The following PRR5L variants were observed in gnomAD, a reference collection of about 807,000 sequenced individuals.
PRR5L encodes proline-rich protein 5-like.
PRR5L carries 21 observed loss-of-function variants against 36.4 expected under a neutral mutation model. That is an observed-to-expected ratio of 0.58 (90% confidence interval 0.41 to 0.83). PRR5L has a LOEUF of 0.83. Ranked by LOEUF, PRR5L falls within the 40% of genes least tolerant of loss-of-function variation. The pLI is 0.00. For synonymous variants in PRR5L, 188 were observed against 197.0 expected (o/e 0.95, Z 0.38); for missense variants, 381 against 473.3 (o/e 0.80, Z 1.81).
chr11:36,298,711 G>A (rs4756306), intron 1 of PRR5L, among the ~76,000 whole-genome samples: 30,626 of 152,098 alleles, frequency 0.2, 3,282 homozygotes, highest in South Asian at 0.35. Context: ...GGAGTTGGGG[G>A]CCCCGGGCTT....
At position 36,301,758 on chromosome 11, in the gene PRR5L, C is replaced by T. The variant is rs1057361034; in HGVS notation, c.-126+5320C>T. ...TTCAAATGCAATGGAGCAGGAAGAC[C>T]CTAAGAGAGAATTGGAAAATGACTG... On this transcript the variant is annotated intron_variant, in intron 1 of 8. Transcript: ENST00000530639. Among the ~76,000 whole-genome samples the T allele has an allele frequency of 2.0e-5, 3 of 152,198 alleles. No individual in the cohort carries two copies. The East Asian group carries it at 5.8e-4, about 29-fold the overall frequency.
intron 1 of PRR5L, among the ~76,000 whole-genome samples, chr11:36,380,891 A>C (rs1247943418): frequency 6.6e-6 from 1 of 152,240 alleles, no homozygotes; most frequent in Non-Finnish European, 1.5e-5. Flanking sequence ...AGAAGCTCAC[A>C]GCTAGGCTCA....
chr11:36,305,888 T>C (rs1453544646), intron 1 of PRR5L, among the ~76,000 whole-genome samples: 1 of 152,228 alleles, frequency 6.6e-6, no homozygotes, highest in East Asian at 1.9e-4. Flanking sequence ...ACTGAGTTAG[T>C]ATATGAATTA....
At chr11:36,443,206 C>T (rs558737976) in intron 6 of PRR5L, among the ~76,000 whole-genome samples, 16 of 152,220 alleles carry the variant, frequency 1.1e-4, no homozygotes, top group African/African-American at 3.6e-4. Context: ...GATGGGGAGC[C>T]GGTGTATCAC....
intron 1 of PRR5L, among the ~76,000 whole-genome samples, chr11:36,395,018 G>A (rs1302461530): frequency 2.0e-5 from 3 of 152,124 alleles, no homozygotes; most frequent in Non-Finnish European, 4.4e-5. Flanking sequence ...TTTCTGCAAT[G>A]CTATTTCTAG....
chr11:36,429,152 T>C (rs1385193402), intron 4 of PRR5L, among the ~76,000 whole-genome samples: 4 of 152,194 alleles, frequency 2.6e-5, no homozygotes, highest in African/African-American at 4.8e-5. Context: ...CCATAAGATA[T>C]GGACAATGTA....
intron 1 of PRR5L, among the ~76,000 whole-genome samples, chr11:36,316,812 G>A (rs1856562279): frequency 6.6e-6 from 1 of 152,160 alleles, no homozygotes; most frequent in Non-Finnish European, 1.5e-5. Context: ...TACAAAGGCA[G>A]ACTGATCTCC....
intron 4 of PRR5L, among the ~76,000 whole-genome samples, chr11:36,429,122 G>A (rs1260166413): frequency 3.3e-5 from 5 of 152,064 alleles, no homozygotes; most frequent in Non-Finnish European, 7.4e-5. Flanking sequence ...GAAAATCCAG[G>A]CCATGATTTG....
At chr11:36,319,610 G>A (rs1178641874) in intron 1 of PRR5L, among the ~76,000 whole-genome samples, 2 of 151,990 alleles carry the variant, frequency 1.3e-5, no homozygotes, top group Non-Finnish European at 2.9e-5. Context: ...TACAAAGGCA[G>A]GCAGTTGTGG....
At chr11:36,311,509 G>A (rs1856502492) in intron 1 of PRR5L, among the ~76,000 whole-genome samples, 1 of 152,120 alleles carries the variant, frequency 6.6e-6, no homozygotes, top group Non-Finnish European at 1.5e-5. Context: ...ACCAACTGAA[G>A]TTATAATAAA....
intron 7 of PRR5L, among the ~76,000 whole-genome samples, chr11:36,450,697 T>C (rs1314040318): frequency 6.6e-6 from 1 of 152,258 alleles, no homozygotes; most frequent in East Asian, 1.9e-4. Context: ...CAGAGCCAGA[T>C]AGCCTGGGTT....
At chr11:36,317,236 T>C (rs1222468381) in intron 1 of PRR5L, among the ~76,000 whole-genome samples, 1 of 152,198 alleles carries the variant, frequency 6.6e-6, no homozygotes, top group Non-Finnish European at 1.5e-5. Flanking sequence ...GGAGAGGTAG[T>C]AAGGAATGGA....
intron 8 of PRR5L, 132 bp from the exon 9 acceptor site, chr11:36,462,210 T>C: frequency 1.2e-6 from 1 of 807,076 alleles, no homozygotes; most frequent in Admixed American, 3.0e-5. Flanking sequence ...TCCCTTGCAT[T>C]GTGGCAGGGC....
chr11:36,454,123 A>G (rs1858999507), intron 8 of PRR5L: 1 of 152,234 alleles, frequency 6.6e-6, no homozygotes, highest in African/African-American at 2.4e-5. Flanking sequence ...TGGAGCCAGG[A>G]TTCCAATGCC....
intron 5 of PRR5L, among the ~76,000 whole-genome samples, chr11:36,434,202 A>G (rs1265624553): frequency 6.6e-6 from 1 of 152,104 alleles, no homozygotes; most frequent in Non-Finnish European, 1.5e-5. Context: ...ATATTCTCTG[A>G]GTCTCTTCTA....
At position 36,451,289 on chromosome 11, in the gene PRR5L, C is replaced by A; in HGVS notation, c.666C>A (p.Leu222=). 1.9e-6 allele frequency: 3 copies of A among 1,614,180 alleles called. No homozygotes were observed. In the South Asian group the frequency reaches 3.3e-5, roughly 18 times the overall value. Residue 222 remains leucine, a synonymous_variant, in exon 8 of 9, where the codon CTC becomes CTA. Transcript: ENST00000530639. ...ELVKQVVSPF[L]GISGDRSFSG... Reference sequence around the variant, plus strand: ...TGAAGCAAGTGGTTTCTCCTTTCCTCGGCATCAGCGGGGACCGTAGCTTCT... The same window carrying A: ...TGAAGCAAGTGGTTTCTCCTTTCCTAGGCATCAGCGGGGACCGTAGCTTCT...
At chr11:36,431,519 G>A (rs561940299) in intron 4 of PRR5L, among the ~76,000 whole-genome samples, 1 of 151,512 alleles carries the variant, frequency 6.6e-6, no homozygotes, top group Admixed American at 6.6e-5. Context: ...GCTTCCTTTT[G>A]TGAGTTTAGA....
chr11:36,457,633 A>C (rs1019439908), intron 8 of PRR5L, among the ~76,000 whole-genome samples: 12 of 152,078 alleles, frequency 7.9e-5, no homozygotes, highest in African/African-American at 2.7e-4. Context: ...AACAAAAAAC[A>C]AAACAAAACA....
chr11:36,362,998 A>G (rs1465618173), intron 1 of PRR5L, among the ~76,000 whole-genome samples: 1 of 152,214 alleles, frequency 6.6e-6, no homozygotes, highest in Non-Finnish European at 1.5e-5. Flanking sequence ...CTCCAGGCCC[A>G]GAGACGTTAA....
Sources: allele counts gnomAD v4.1 joint callset (sites outside exome capture counted in the v4.1 genomes callset), GRCh38; gene constraint gnomAD v4.1.1; transcripts MANE v1.5; gene names NCBI Gene and HGNC (gene_info 2026-07-23, HGNC 2026-07-21).